The following TM4SF19 variants were observed in gnomAD, a reference collection of about 807,000 sequenced individuals.
TM4SF19 encodes transmembrane 4 L six family member 19, also known as transmembrane 4 L6 family member 19.
TM4SF19 carries 17 observed loss-of-function variants against 21.8 expected under a neutral mutation model. The observed-to-expected ratio is 0.78, with a 90% CI of 0.53 to 1.17. TM4SF19 has a LOEUF of 1.17. Ranked by LOEUF, TM4SF19 falls within the 50% of genes most tolerant of loss-of-function variation. The pLI is 0.00. For missense variants in TM4SF19, 216 were observed against 252.1 expected (o/e 0.86, Z 0.97); for synonymous variants, 107 against 106.7 (o/e 1.00, Z -0.02).
chr3:196,336,175 G>A (rs1037219677), intron 1 of TM4SF19, among the ~76,000 whole-genome samples: 1 of 151,092 alleles, frequency 6.6e-6, no homozygotes, highest in Non-Finnish European at 1.5e-5. Flanking sequence ...TTTCACTCTT[G>A]TTGCCCAGGC....
At chr3:196,330,676 A>G (rs141220072) in intron 1 of TM4SF19, among the ~76,000 whole-genome samples, 202 of 152,322 alleles carry the variant, frequency 1.3e-3, no homozygotes, top group African/African-American at 4.7e-3. Flanking sequence ...CGGAGAGCAG[A>G]TGAGCGGTTG....
At chr3:196,326,541 AT>A (rs1430327472) in intron 3 of TM4SF19, among the ~76,000 whole-genome samples, 1 of 152,172 alleles carries the variant, frequency 6.6e-6, no homozygotes, top group Non-Finnish European at 1.5e-5. Flanking sequence ...GAATCTAGTG[AT>A]TAGATGATCT....
chr3:196,324,595 C>T (rs1192894327), intron 3 of TM4SF19, 155 bp from the exon 4 acceptor site: 1 of 698,576 alleles, frequency 1.4e-6, no homozygotes, highest in Non-Finnish European at 2.4e-6. Context: ...GTTCTTCCGT[C>T]CTGTCATGGG....
chr3:196,324,032 G>T (rs552776116), intron 4 of TM4SF19, 35 bp from the exon 5 acceptor site: 1 of 1,606,282 alleles, frequency 6.2e-7, no homozygotes, highest in African/African-American at 1.3e-5. Flanking sequence ...GGGGTCAGGC[G>T]ATAAGTAAGG....
rs1228904877 is a variant in TM4SF19, at chr3:196,329,232, G to A, written c.-1-1641C>T. 3.2e-5 allele frequency among the ~76,000 whole-genome samples: 4 copies of A among 126,772 alleles called. 1 individual carries two copies. Among genetic ancestry groups the A allele is most frequent in the Non-Finnish European group, 6.9e-5 (4 of 57,672 alleles). 83.2% of individuals were successfully genotyped at this position (126,772 alleles called of 152,430 possible). A position where few individuals can be genotyped will look rare whatever the true frequency, so the allele number is the denominator to read the frequency against. ...GCTGGGATTACAGGCATGAGCCACC[G>A]CGCCCGGCCAATAAATGATTTTTTA... On this transcript the variant is annotated intron_variant, in intron 1 of 4. Coordinates refer to ENST00000273695, the MANE Select transcript of TM4SF19 (RefSeq NM_138461.4).
chr3:196,324,088 C>G, intron 4 of TM4SF19, 91 bp from the exon 5 acceptor site: 1 of 1,521,348 alleles, frequency 6.6e-7, no homozygotes, highest in Non-Finnish European at 9.0e-7. Context: ...TCTCCCCTGA[C>G]CGGGTCATGG....
At chr3:196,332,848 A>ATTTTTTTT (rs544134464) in intron 1 of TM4SF19, among the ~76,000 whole-genome samples, 1 of 120,866 alleles carries the variant, frequency 8.3e-6, no homozygotes. Flanking sequence ...TCAACTTACA[A>ATTTTTTTT]TTTTTTTTTT....
At chr3:196,324,177 T>C (rs1727188419) in intron 4 of TM4SF19, 94 bp downstream of exon 4, 10 of 1,503,830 alleles carry the variant, frequency 6.6e-6, no homozygotes, top group Middle Eastern at 1.7e-4. Context: ...CTAGGATGTG[T>C]GACCCAAAGG....
At chr3:196,331,999 G>A (rs936502733) in intron 1 of TM4SF19, among the ~76,000 whole-genome samples, 4 of 149,632 alleles carry the variant, frequency 2.7e-5, no homozygotes, top group Admixed American at 1.3e-4. Flanking sequence ...GGCCAGGCAC[G>A]GTGGCTCACG....
intron 1 of TM4SF19, among the ~76,000 whole-genome samples, chr3:196,331,754 T>C (rs1472270154): frequency 1.3e-5 from 2 of 151,894 alleles, no homozygotes. Flanking sequence ...GCCACTGCAC[T>C]CCAGCCTGGA....
intron 1 of TM4SF19, among the ~76,000 whole-genome samples, chr3:196,336,319 G>A (rs1201562731): frequency 1.3e-5 from 2 of 152,048 alleles, no homozygotes; most frequent in Non-Finnish European, 2.9e-5. Flanking sequence ...TGTATTTTTA[G>A]TAGAGATGGG....
At chr3:196,336,304 A>G in intron 1 of TM4SF19, among the ~76,000 whole-genome samples, 1 of 151,960 alleles carries the variant, frequency 6.6e-6, no homozygotes, top group East Asian at 1.9e-4. Flanking sequence ...ACGCCCGGCT[A>G]ATTTTGTATT....
At chr3:196,337,048 A>ATTTTTT (rs1560207656) in intron 1 of TM4SF19, among the ~76,000 whole-genome samples, 1 of 128,680 alleles carries the variant, frequency 7.8e-6, no homozygotes, top group African/African-American at 2.8e-5. Context: ...GCAAAAAGCA[A>ATTTTTT]TTCTTTTTTT....
intron 1 of TM4SF19, among the ~76,000 whole-genome samples, chr3:196,333,925 G>A (rs1727619003): frequency 6.6e-6 from 1 of 152,100 alleles, no homozygotes; most frequent in African/African-American, 2.4e-5. Flanking sequence ...GCTGGGAATG[G>A]TGGTGTGCGC....
chr3:196,331,544 T>C (rs1306105430), intron 1 of TM4SF19, among the ~76,000 whole-genome samples: 2 of 151,746 alleles, frequency 1.3e-5, no homozygotes, highest in Non-Finnish European at 2.9e-5. Flanking sequence ...TCCCAGCACT[T>C]TGGGAGGCCA....
chr3:196,337,051 C>CTTTTT (rs35897935), intron 1 of TM4SF19, among the ~76,000 whole-genome samples: 2 of 67,816 alleles, frequency 2.9e-5, no homozygotes, highest in Non-Finnish European at 5.1e-5. Flanking sequence ...AAAAGCAATT[C>CTTTTT]TTTTTTTTTT....
intron 1 of TM4SF19, among the ~76,000 whole-genome samples, chr3:196,335,572 C>G (rs1403607666): frequency 6.6e-6 from 1 of 150,738 alleles, no homozygotes; most frequent in Non-Finnish European, 1.5e-5. Flanking sequence ...GTGACTCCTA[C>G]CCCAGGGGCC....
At chr3:196,332,990 C>A (rs73212186) in intron 1 of TM4SF19, among the ~76,000 whole-genome samples, 7,247 of 152,084 alleles carry the variant, frequency 0.048, 209 homozygotes, top group South Asian at 0.12. Flanking sequence ...GCTGAGACCG[C>A]AGGCATGCGC....
At chr3:196,330,647 G>A (rs777876565) in intron 1 of TM4SF19, among the ~76,000 whole-genome samples, 102 of 152,270 alleles carry the variant, frequency 6.7e-4, no homozygotes, top group Admixed American at 1.2e-3. Context: ...CGAAATTCTA[G>A]AAAAGGCAAA....
Sources: allele counts gnomAD v4.1 joint callset (sites outside exome capture counted in the v4.1 genomes callset), GRCh38; gene constraint gnomAD v4.1.1; transcripts MANE v1.5; gene names NCBI Gene and HGNC (gene_info 2026-07-23, HGNC 2026-07-21).